The following GALNTL6 variants were observed in gnomAD, a reference collection of about 807,000 sequenced individuals.
GALNTL6 encodes the protein polypeptide N-acetylgalactosaminyltransferase like 6.
In GALNTL6, 46 loss-of-function variants were observed where a neutral mutation model predicts 73.7. The observed-to-expected ratio is 0.62, with a 90% confidence interval of 0.49 to 0.80. The LOEUF (loss-of-function observed/expected upper bound fraction) is 0.80. Ranked by LOEUF, GALNTL6 falls within the 30% of genes least tolerant of loss-of-function variation. The pLI, the probability that GALNTL6 is intolerant of heterozygous loss-of-function variation, is 0.00. For synonymous variants in GALNTL6, 259 were observed against 263.7 expected (o/e 0.98, Z 0.17); for missense variants, 604 against 755.0 (o/e 0.80, Z 2.34).
chr4:172,998,153 C>T (rs72708747), intron 10 of GALNTL6, among the ~76,000 whole-genome samples: 16 of 152,292 alleles, frequency 1.1e-4, no homozygotes, highest in Non-Finnish European at 2.4e-4. Context: ...AAAATCTCTG[C>T]AGGCATAATT....
intron 5 of GALNTL6, among the ~76,000 whole-genome samples, chr4:172,420,255 T>C (rs72990230): frequency 0.027 from 4,119 of 152,270 alleles, 180 homozygotes; most frequent in African/African-American, 0.09. Context: ...CATTTCAGCT[T>C]ACATTGTTAA....
At chr4:172,263,005 T>C (rs1240392628) in intron 3 of GALNTL6, among the ~76,000 whole-genome samples, 1 of 151,548 alleles carries the variant, frequency 6.6e-6, no homozygotes, top group African/African-American at 2.4e-5. Context: ...ATCTAAAGGT[T>C]TTCTTGTATA....
At chr4:172,299,650 G>T (rs1171540888) in intron 3 of GALNTL6, among the ~76,000 whole-genome samples, 4 of 152,120 alleles carry the variant, frequency 2.6e-5, no homozygotes, top group East Asian at 3.9e-4. Context: ...AGGAGCAGGT[G>T]GTTCAGTTTC....
intron 5 of GALNTL6, among the ~76,000 whole-genome samples, chr4:172,475,008 A>G (rs908883140): frequency 2.0e-5 from 3 of 152,224 alleles, no homozygotes; most frequent in Non-Finnish European, 4.4e-5. Context: ...CTGTGCCCTC[A>G]GCTGGTAAAA....
intron 4 of GALNTL6, among the ~76,000 whole-genome samples, chr4:172,315,377 C>T (rs1165486321): frequency 6.6e-6 from 1 of 152,176 alleles, no homozygotes; most frequent in African/African-American, 2.4e-5. Context: ...AATTCTCCTG[C>T]CTCAGCCTCC....
At chr4:172,818,854 C>T (rs1013852614) in intron 7 of GALNTL6, among the ~76,000 whole-genome samples, 3 of 152,234 alleles carry the variant, frequency 2.0e-5, no homozygotes, top group African/African-American at 7.2e-5. Context: ...GCCTTAGCCT[C>T]CCAAAGTGTT....
chr4:171,996,687 G>T (rs1455228030), intron 2 of GALNTL6, among the ~76,000 whole-genome samples: 3 of 149,566 alleles, frequency 2.0e-5, no homozygotes, highest in Non-Finnish European at 4.4e-5. Flanking sequence ...CATTCTCTTG[G>T]GCCACACATA....
At position 172,767,262 on chromosome 4, in the gene GALNTL6, A is replaced by G. The variant is rs1738456589; in HGVS notation, c.554-42099A>G. 2.0e-5 allele frequency among the ~76,000 whole-genome samples: 3 copies of G among 152,228 alleles called. No homozygotes were observed. The South Asian group carries it at 6.2e-4, about 32-fold the overall frequency. ...GAACACTTATCAGAAAACTCAATAT[A>G]ACCTGATAGAAAAATGAATGAAAAT... On this transcript the variant is annotated intron_variant, in intron 5 of 12. Coordinates refer to ENST00000506823, the MANE Select transcript of GALNTL6 (RefSeq NM_001034845.3).
intron 5 of GALNTL6, among the ~76,000 whole-genome samples, chr4:172,554,277 T>C (rs925130225): frequency 2.6e-5 from 4 of 152,206 alleles, no homozygotes; most frequent in Non-Finnish European, 5.9e-5. Context: ...TCTCATGAAC[T>C]ATATTGGTGA....
intron 2 of GALNTL6, among the ~76,000 whole-genome samples, chr4:171,934,294 G>A (rs1738275751): frequency 6.6e-6 from 1 of 152,194 alleles, no homozygotes; most frequent in Admixed American, 6.5e-5. Context: ...AAATAATCTA[G>A]AGCAGTGAAT....
intron 2 of GALNTL6, among the ~76,000 whole-genome samples, chr4:172,027,120 G>C (rs6812074): frequency 0.086 from 13,005 of 152,028 alleles, 803 homozygotes; most frequent in Non-Finnish European, 0.14. Flanking sequence ...CTCAAACTCT[G>C]AGCTTCAAGC....
chr4:171,844,684 G>T (rs1456869561), intron 2 of GALNTL6, among the ~76,000 whole-genome samples: 2 of 152,108 alleles, frequency 1.3e-5, no homozygotes, highest in Non-Finnish European at 2.9e-5. Context: ...TGTAAAACTG[G>T]AGAAAGCACT....
intron 2 of GALNTL6, among the ~76,000 whole-genome samples, chr4:172,133,973 G>C (rs1452876237): frequency 6.6e-6 from 1 of 152,156 alleles, no homozygotes; most frequent in African/African-American, 2.4e-5. Context: ...TGAGTGTTTT[G>C]TTTGTATGAA....
At position 172,027,923 on chromosome 4, in the gene GALNTL6, G is replaced by A. The variant is rs990429088; in HGVS notation, c.139-201733G>A. Among the ~76,000 whole-genome samples, 4 of 152,262 alleles carry A rather than the reference G, an allele frequency of 2.6e-5. No individual in the cohort carries two copies. The East Asian group carries it at 7.7e-4, about 29-fold the overall frequency. Reference sequence around the variant, plus strand: ...AGGACAAAAGTATGGAGGTAGCAGAGATTGGTTCATTAAATTTAAGGAATA... The same window carrying A: ...AGGACAAAAGTATGGAGGTAGCAGAAATTGGTTCATTAAATTTAAGGAATA... On this transcript the variant is annotated intron_variant, in intron 2 of 12. Coordinates refer to ENST00000506823, the MANE Select transcript of GALNTL6 (RefSeq NM_001034845.3).
At chr4:172,403,397 T>A (rs1043284669) in intron 5 of GALNTL6, among the ~76,000 whole-genome samples, 1 of 152,060 alleles carries the variant, frequency 6.6e-6, no homozygotes, top group Non-Finnish European at 1.5e-5. Context: ...TATTTGGCCG[T>A]ACATGCCATG....
At chr4:172,653,149 G>A (rs1480792969) in intron 5 of GALNTL6, among the ~76,000 whole-genome samples, 2 of 151,226 alleles carry the variant, frequency 1.3e-5, no homozygotes, top group African/African-American at 4.9e-5. Context: ...ACAATCTCCT[G>A]CGACTTTCTT....
At chr4:172,631,290 A>G (rs1167328521) in intron 5 of GALNTL6, among the ~76,000 whole-genome samples, 6 of 151,860 alleles carry the variant, frequency 4.0e-5, no homozygotes, top group African/African-American at 9.7e-5. Context: ...GACTACAGGC[A>G]CACACCACCA....
intron 2 of GALNTL6, among the ~76,000 whole-genome samples, chr4:172,010,797 A>C (rs774430122): frequency 1.3e-5 from 2 of 152,060 alleles, no homozygotes; most frequent in Non-Finnish European, 2.9e-5. Flanking sequence ...GTGAAATGAT[A>C]CTTAGTAAAG....
chr4:172,679,005 A>G (rs148130374), intron 5 of GALNTL6, among the ~76,000 whole-genome samples: 1 of 152,332 alleles, frequency 6.6e-6, no homozygotes, highest in Non-Finnish European at 1.5e-5. Context: ...ATATAAAATG[A>G]ATGGGCATGG....
Sources: allele counts gnomAD v4.1 joint callset (sites outside exome capture counted in the v4.1 genomes callset), GRCh38; gene constraint gnomAD v4.1.1; transcripts MANE v1.5; gene names NCBI Gene and HGNC (gene_info 2026-07-23, HGNC 2026-07-21).